GLDC: variants seen among roughly 807,000 people sequenced by gnomAD.
GLDC encodes glycine decarboxylase.
GLDC carries 104 observed loss-of-function variants against 121.3 expected under a neutral mutation model. That is an observed-to-expected ratio of 0.86 (90% CI 0.73 to 1.01). GLDC has a LOEUF of 1.01. Among genes scored for constraint, GLDC ranks in the 50% least tolerant of loss-of-function variants. The pLI is 0.00. For missense variants in GLDC, 1,429 were observed against 1,306.6 expected, an observed-to-expected ratio of 1.09 and a Z score of -1.44; for synonymous variants, 546 against 480.6, an observed-to-expected ratio of 1.14 and a Z score of -1.78.
chr9:6,622,215 G>T (rs1819114828), intron 2 of GLDC, among the ~76,000 whole-genome samples: 1 of 148,998 alleles, frequency 6.7e-6, no homozygotes, highest in Admixed American at 6.7e-5. Context: ...TGCTTTCCCA[G>T]GAAATAAATT....
In GLDC at chr9:6,554,768, C is replaced by T. The variant is rs121964980; in HGVS notation, c.2216G>A (p.Arg739His). ...ANMNAQVGICRPGDFGSDVSH... is the reference protein window; with the variant it reads ...ANMNAQVGICHPGDFGSDVSH... ...GACATCAGACCCGAAGTCTCCAGGGCGACAGATTCCCACCTACCACAAAGG... is the reference window on the plus strand; with the variant it reads ...GACATCAGACCCGAAGTCTCCAGGGTGACAGATTCCCACCTACCACAAAGG... Residue 739 changes from arginine (R) to histidine (H), a missense_variant, in exon 19 of 25, where the codon CGC becomes CAC. Physicochemically the swap from Arg to His is conservative, Grantham distance 29. Coordinates refer to ENST00000321612, the MANE Select transcript of GLDC (RefSeq NM_000170.3). The T allele has an allele frequency of 2.9e-5, 47 of 1,612,332 alleles. No homozygotes were observed. Among genetic ancestry groups the T allele is most frequent in the African/African-American group, 5.3e-5 (4 of 75,014 alleles).
intron 21 of GLDC, chr9:6,540,966 G>C (rs1817245409): frequency 6.6e-6 from 1 of 152,222 alleles, no homozygotes; most frequent in South Asian, 2.1e-4. Context: ...AGACCAGCCA[G>C]GGCAACATGG....
At chr9:6,606,000 T>A (rs1270310301) in intron 5 of GLDC, 1 of 159,240 alleles carries the variant, frequency 6.3e-6, no homozygotes, top group Non-Finnish European at 1.4e-5. Context: ...ATATTTTTAT[T>A]CTTTCTACAA....
intron 6 of GLDC, 88 bp from the exon 7 acceptor site, chr9:6,604,872 G>A: frequency 9.0e-7 from 1 of 1,108,386 alleles, no homozygotes; most frequent in Non-Finnish European, 1.4e-6. Context: ...ACTACAGGAA[G>A]ACGGGCAGAG....
chr9:6,626,736 T>C (rs953714203), intron 2 of GLDC, among the ~76,000 whole-genome samples: 17 of 152,092 alleles, frequency 1.1e-4, no homozygotes, highest in Admixed American at 1.3e-4. Flanking sequence ...CAGGAGGTAA[T>C]AGGTAAAGGT....
chr9:6,585,463 A>G (rs16924717), intron 15 of GLDC, among the ~76,000 whole-genome samples: 9,307 of 152,234 alleles, frequency 0.061, 673 homozygotes, highest in African/African-American at 0.17. Flanking sequence ...CTTGACTTTC[A>G]TGCTATCAGC....
chr9:6,599,163 A>G (rs1818549427), intron 8 of GLDC, among the ~76,000 whole-genome samples: 1 of 151,500 alleles, frequency 6.6e-6, no homozygotes, highest in Non-Finnish European at 1.5e-5. Flanking sequence ...CAGCCTGGGC[A>G]ACAAGAGAAA....
At chr9:6,637,751 G>A (rs944303430) in intron 2 of GLDC, among the ~76,000 whole-genome samples, 6 of 152,138 alleles carry the variant, frequency 3.9e-5, no homozygotes, top group Admixed American at 3.9e-4. Flanking sequence ...ACAGGCATGA[G>A]CCACTGTGCC....
At chr9:6,638,933 C>A (rs553839367) in intron 2 of GLDC, among the ~76,000 whole-genome samples, 1 of 151,978 alleles carries the variant, frequency 6.6e-6, no homozygotes, top group South Asian at 2.1e-4. Flanking sequence ...CGCTTGAACC[C>A]AGGAGGCAGA....
chr9:6,578,238 G>A (rs1386917820), intron 15 of GLDC, among the ~76,000 whole-genome samples: 1 of 151,594 alleles, frequency 6.6e-6, no homozygotes, highest in Non-Finnish European at 1.5e-5. Context: ...TCCCACTTCA[G>A]CCTCCCAAGC....
intron 7 of GLDC, 29 bp downstream of exon 7, chr9:6,604,559 T>C (rs376094872): frequency 2.5e-4 from 398 of 1,571,188 alleles, no homozygotes; most frequent in Non-Finnish European, 3.3e-4. Context: ...ATAATCACAA[T>C]AAAAGTAGAG....
At chr9:6,620,448 C>T (rs1819068462) in intron 2 of GLDC, 129 bp from the exon 3 acceptor site, 1 of 803,152 alleles carries the variant, frequency 1.2e-6, no homozygotes, top group Admixed American at 2.0e-5. Flanking sequence ...AAGAGTCATC[C>T]ATCCAACCAA....
chr9:6,583,674 T>C (rs1266989765), intron 15 of GLDC, among the ~76,000 whole-genome samples: 5 of 151,960 alleles, frequency 3.3e-5, no homozygotes, highest in Non-Finnish European at 7.4e-5. Context: ...AGACCCTGTC[T>C]GAAAAAAAGA....
rs147308839 is a variant in GLDC, at chr9:6,553,360, G to A, written c.2457+8C>T. Reference sequence around the variant, plus strand: ...ACCTGCACACCTGCACATACTCCCAGGCCTCACCTTGATATAAGCCCAGGA... The same window carrying A: ...ACCTGCACACCTGCACATACTCCCAAGCCTCACCTTGATATAAGCCCAGGA... On this transcript the variant is annotated splice_region_variant and intron_variant, in intron 20 of 24. Transcript: ENST00000321612. 6.8e-4 allele frequency: 1,103 copies of A among 1,613,724 alleles called. 10 individuals carry two copies. In the African/African-American group the frequency reaches 0.013, roughly 19 times the overall value.
chr9:6,618,628 C>G (rs1027956190), intron 3 of GLDC, among the ~76,000 whole-genome samples: 1 of 152,064 alleles, frequency 6.6e-6, no homozygotes, highest in African/African-American at 2.4e-5. Flanking sequence ...TTACATCATA[C>G]AGCAAACAGC....
chr9:6,562,622 C>A (rs1213141908), intron 16 of GLDC, among the ~76,000 whole-genome samples: 1 of 152,100 alleles, frequency 6.6e-6, no homozygotes, highest in African/African-American at 2.4e-5. Flanking sequence ...TGCAGTGGTG[C>A]GATCTCAGCT....
chr9:6,612,556 A>T (rs1818880292), intron 3 of GLDC, among the ~76,000 whole-genome samples: 1 of 151,658 alleles, frequency 6.6e-6, no homozygotes, highest in African/African-American at 2.4e-5. Flanking sequence ...AACATATGAG[A>T]CCTCACCTCT....
intron 2 of GLDC, among the ~76,000 whole-genome samples, chr9:6,627,642 C>G (rs553952986): frequency 2.0e-5 from 3 of 152,142 alleles, no homozygotes; most frequent in Admixed American, 1.3e-4. Context: ...GGTCCCTAGT[C>G]ACGCTTCTTT....
intron 20 of GLDC, among the ~76,000 whole-genome samples, chr9:6,552,079 TGG>T (rs1188240269): frequency 6.6e-6 from 1 of 152,030 alleles, no homozygotes; most frequent in Non-Finnish European, 1.5e-5. Context: ...GAGAGATACG[TGG>T]GGGCCTAGGG....
Sources: gnomAD v4.1 joint callset for allele counts (sites outside exome capture counted in the v4.1 genomes callset) on GRCh38, gnomAD v4.1.1 for gene constraint, MANE v1.5 for transcripts, NCBI Gene and HGNC (gene_info 2026-07-23, HGNC 2026-07-21) for gene names.